Variants in AHCYL2 observed in about 807,000 individuals in gnomAD.
AHCYL2 encodes S-adenosylhomocysteine hydrolase-like protein 2.
AHCYL2 carries 28 observed loss-of-function variants against 81.4 expected under a neutral mutation model. The observed-to-expected ratio is 0.34, with a 90% CI of 0.25 to 0.47. AHCYL2 has a LOEUF of 0.47. AHCYL2 is among the 20% of genes least tolerant of loss of function. The probability of loss-of-function intolerance (pLI) is 1.00; values close to 1 mark genes in which losing one functional copy is unlikely to be tolerated. For missense variants in AHCYL2, 551 were observed against 785.1 expected (o/e 0.70, Z 3.56); for synonymous variants, 272 against 290.2 (o/e 0.94, Z 0.64).
At chr7:129,398,346 T>G (rs1795845133) in intron 5 of AHCYL2, among the ~76,000 whole-genome samples, 1 of 149,320 alleles carries the variant, frequency 6.7e-6, no homozygotes, top group South Asian at 2.1e-4. Flanking sequence ...TAAATTTAAT[T>G]TAATTTTTAT....
intron 1 of AHCYL2, among the ~76,000 whole-genome samples, chr7:129,298,105 A>G (rs1036394154): frequency 3.9e-5 from 6 of 152,244 alleles, no homozygotes; most frequent in African/African-American, 1.4e-4. Context: ...ACTATAGACA[A>G]GAAAGCCTGT....
intron 6 of AHCYL2, among the ~76,000 whole-genome samples, chr7:129,402,467 G>T (rs1051125211): frequency 1.3e-5 from 2 of 152,136 alleles, no homozygotes; most frequent in Non-Finnish European, 2.9e-5. Context: ...GTCAGCAGAG[G>T]GCAACCCAGT....
Position 129,393,812 on chromosome 7 carries a change from T to C in AHCYL2, c.721-3410T>C, listed in dbSNP as rs571830764. Among the ~76,000 whole-genome samples, 17 of 152,334 alleles carry C rather than the reference T, an allele frequency of 1.1e-4. No homozygotes were observed. In the South Asian group the frequency reaches 2.3e-3, roughly 20 times the overall value. On this transcript the variant is annotated intron_variant, in intron 4 of 16. Transcript: ENST00000325006. Reference sequence around the variant, plus strand: ...TTAGTGGATCTGGGCACTAATGTGCTCTTTGCTTTTGAAATGTCATTGTTC... The same window carrying C: ...TTAGTGGATCTGGGCACTAATGTGCCCTTTGCTTTTGAAATGTCATTGTTC...
rs912905424 is a variant in AHCYL2, at chr7:129,338,338, A to G, written c.364-41300A>G. Among the ~76,000 whole-genome samples, 3 of 151,656 alleles carry G rather than the reference A, an allele frequency of 2.0e-5. No homozygotes were observed. In the South Asian group the frequency reaches 6.3e-4, roughly 32 times the overall value. On this transcript the variant is annotated intron_variant, in intron 1 of 16. Transcript: ENST00000325006. ...TAATTTGTAAATTTTTTTTTTCTGT[A>G]GAGACTGGAGGTCTTGCTGTTTCCC...
At chr7:129,267,002 T>C (rs1475466848) in intron 1 of AHCYL2, among the ~76,000 whole-genome samples, 1 of 151,944 alleles carries the variant, frequency 6.6e-6, no homozygotes, top group Non-Finnish European at 1.5e-5. Flanking sequence ...TGTGGAGACA[T>C]AGTAAATTAT....
chr7:129,272,638 G>A (rs1796059898), intron 1 of AHCYL2, among the ~76,000 whole-genome samples: 1 of 152,054 alleles, frequency 6.6e-6, no homozygotes, highest in Non-Finnish European at 1.5e-5. Flanking sequence ...AGGTTTATTG[G>A]TACTGCCACA....
chr7:129,257,012 G>A (rs1413269460), intron 1 of AHCYL2, among the ~76,000 whole-genome samples: 1 of 152,080 alleles, frequency 6.6e-6, no homozygotes, highest in Non-Finnish European at 1.5e-5. Flanking sequence ...ATCCTTTTGA[G>A]CAACCTCAGA....
At chr7:129,292,897 A>T (rs1032869252) in intron 1 of AHCYL2, among the ~76,000 whole-genome samples, 12 of 152,224 alleles carry the variant, frequency 7.9e-5, no homozygotes, top group African/African-American at 2.9e-4. Flanking sequence ...AGACTGAGAA[A>T]CGTTACTCTT....
At chr7:129,315,802 A>G (rs941435353) in intron 1 of AHCYL2, among the ~76,000 whole-genome samples, 4 of 152,186 alleles carry the variant, frequency 2.6e-5, no homozygotes, top group African/African-American at 7.2e-5. Flanking sequence ...CAGGGAAAAA[A>G]TCTTAGGTGG....
intron 1 of AHCYL2, among the ~76,000 whole-genome samples, chr7:129,341,603 A>G (rs1793184193): frequency 6.6e-6 from 1 of 152,178 alleles, no homozygotes. Flanking sequence ...AAGGGAAAGT[A>G]TAGGAATGAA....
chr7:129,284,340 G>A (rs1796550875), intron 1 of AHCYL2, among the ~76,000 whole-genome samples: 1 of 152,190 alleles, frequency 6.6e-6, no homozygotes, highest in Admixed American at 6.5e-5. Context: ...GCTCACGCCT[G>A]TAATCCCAGC....
intron 1 of AHCYL2, among the ~76,000 whole-genome samples, chr7:129,348,130 A>G (rs895193314): frequency 6.6e-6 from 1 of 152,214 alleles, no homozygotes; most frequent in African/African-American, 2.4e-5. Context: ...TTACATTCAC[A>G]TGTAGAAGGA....
chr7:129,349,195 C>A (rs1469657367), intron 1 of AHCYL2, among the ~76,000 whole-genome samples: 1 of 152,082 alleles, frequency 6.6e-6, no homozygotes, highest in Non-Finnish European at 1.5e-5. Context: ...TGTTTTGATT[C>A]TATCTAGGTT....
At chr7:129,381,092 T>A (rs1794933767) in intron 2 of AHCYL2, among the ~76,000 whole-genome samples, 3 of 152,194 alleles carry the variant, frequency 2.0e-5, no homozygotes. Context: ...ACAAACTGGT[T>A]AATGTAACTC....
intron 1 of AHCYL2, among the ~76,000 whole-genome samples, chr7:129,289,111 T>C (rs972092144): frequency 1.3e-5 from 2 of 149,516 alleles, no homozygotes; most frequent in African/African-American, 4.9e-5. Flanking sequence ...CTTTTTTGAG[T>C]CAGGGTCTTG....
intron 8 of AHCYL2, 117 bp from the exon 9 acceptor site, chr7:129,405,719 C>CT (rs1584891766): frequency 2.2e-6 from 2 of 902,440 alleles, no homozygotes; most frequent in Non-Finnish European, 3.3e-6. Flanking sequence ...AGAAACCAGA[C>CT]TTTCTTTCAA....
At chr7:129,390,959 A>G (rs1447501237) in intron 4 of AHCYL2, among the ~76,000 whole-genome samples, 2 of 152,206 alleles carry the variant, frequency 1.3e-5, no homozygotes, top group African/African-American at 4.8e-5. Context: ...TAACATGTCC[A>G]GGTACATATA....
At chr7:129,266,931 G>A (rs60811378) in intron 1 of AHCYL2, among the ~76,000 whole-genome samples, 510 of 151,600 alleles carry the variant, frequency 3.4e-3, no homozygotes, top group African/African-American at 0.012. Flanking sequence ...AGGAAAGATA[G>A]ACATAAGAAA....
intron 1 of AHCYL2, chr7:129,375,572 G>T: frequency 8.1e-7 from 1 of 1,231,128 alleles, no homozygotes. Flanking sequence ...AAGGTTTAGA[G>T]GTCAGAGGAT....
Sources: gnomAD v4.1 joint callset for allele counts (sites outside exome capture counted in the v4.1 genomes callset) on GRCh38, gnomAD v4.1.1 for gene constraint, MANE v1.5 for transcripts, NCBI Gene and HGNC (gene_info 2026-07-23, HGNC 2026-07-21) for gene names.